The following SRGAP3 variants were observed in gnomAD, a reference collection of about 807,000 sequenced individuals.
SRGAP3 encodes the protein SLIT-ROBO Rho GTPase-activating protein 3.
A neutral mutation model predicts 121.1 loss-of-function variants in SRGAP3; 39 were observed. The observed-to-expected ratio is 0.32, with a 90% CI of 0.25 to 0.42. The LOEUF (loss-of-function observed/expected upper bound fraction) is 0.42, where lower values mean the gene tolerates loss of function less well. Ranked by LOEUF, SRGAP3 falls within the 10% of genes least tolerant of loss-of-function variation. The pLI is 1.00. For synonymous variants in SRGAP3, 601 were observed against 570.0 expected (o/e 1.05, Z -0.77); for missense variants, 1,213 against 1,470.6 (o/e 0.82, Z 2.86).
intron 1 of SRGAP3, among the ~76,000 whole-genome samples, chr3:9,141,193 T>A (rs928552583): frequency 1.4e-4 from 21 of 152,188 alleles, no homozygotes; most frequent in Non-Finnish European, 2.5e-4. Context: ...TGTCTCCACT[T>A]TGACCCCATT....
chr3:8,994,573 G>A, intron 18 of SRGAP3, 50 bp from the exon 19 acceptor site: 3 of 1,601,978 alleles, frequency 1.9e-6, no homozygotes, highest in Non-Finnish European at 2.5e-6. Context: ...CAAAGTGGCA[G>A]CTCAGGAGCC....
intron 3 of SRGAP3, among the ~76,000 whole-genome samples, chr3:9,320,889 AAT>A (rs1208097985): frequency 3.3e-5 from 5 of 151,830 alleles, no homozygotes; most frequent in Middle Eastern, 3.2e-3. Flanking sequence ...GAATAATGAA[AAT>A]ATGTTCACAT....
intron 2 of SRGAP3, among the ~76,000 whole-genome samples, chr3:9,111,662 G>A (rs776032354): frequency 2.0e-5 from 3 of 152,192 alleles, no homozygotes; most frequent in Non-Finnish European, 4.4e-5. Flanking sequence ...TTGAGCCTCT[G>A]CCTTCCCTGT....
intron 1 of SRGAP3, among the ~76,000 whole-genome samples, chr3:9,214,131 C>G (rs559923327): frequency 6.6e-6 from 1 of 151,980 alleles, no homozygotes; most frequent in African/African-American, 2.4e-5. Flanking sequence ...CACACACACA[C>G]ACACACACAC....
chr3:9,096,996 T>C (rs1178034726), intron 3 of SRGAP3, among the ~76,000 whole-genome samples: 8 of 136,030 alleles, frequency 5.9e-5, no homozygotes, highest in South Asian at 2.5e-4. Flanking sequence ...TACACACACA[T>C]ATATATATAT....
chr3:9,222,781 G>C (rs1952857174), intron 1 of SRGAP3, among the ~76,000 whole-genome samples: 1 of 152,168 alleles, frequency 6.6e-6, no homozygotes, highest in East Asian at 1.9e-4. Context: ...ATATCACTGT[G>C]ATTCTACATA....
At chr3:9,113,239 C>T (rs549192988) in intron 2 of SRGAP3, among the ~76,000 whole-genome samples, 2 of 152,244 alleles carry the variant, frequency 1.3e-5, no homozygotes, top group Admixed American at 1.3e-4. Flanking sequence ...GGCTGGAAGT[C>T]CGAGATCAAG....
chr3:9,242,407 G>T (rs1475174087), intron 1 of SRGAP3, among the ~76,000 whole-genome samples: 1 of 152,228 alleles, frequency 6.6e-6, no homozygotes, highest in Non-Finnish European at 1.5e-5. Context: ...GGCCGAGGCG[G>T]GTGGATCACC....
intron 1 of SRGAP3, among the ~76,000 whole-genome samples, chr3:9,176,464 C>T (rs956107665): frequency 6.6e-6 from 1 of 152,174 alleles, no homozygotes; most frequent in African/African-American, 2.4e-5. Flanking sequence ...AGACAGTGTT[C>T]CTCAGATTTA....
At chr3:9,357,781 A>C (rs533318691) in intron 1 of SRGAP3, among the ~76,000 whole-genome samples, 1 of 152,254 alleles carries the variant, frequency 6.6e-6, no homozygotes, top group African/African-American at 2.4e-5. Flanking sequence ...TCCCAATATA[A>C]GTCTAGGAGG....
intron 3 of SRGAP3, among the ~76,000 whole-genome samples, chr3:9,294,897 A>G (rs1342217268): frequency 6.6e-6 from 1 of 152,160 alleles, no homozygotes; most frequent in Non-Finnish European, 1.5e-5. Context: ...ATTATCTATC[A>G]TCAATCTGTT....
intron 10 of SRGAP3, among the ~76,000 whole-genome samples, chr3:9,044,163 C>T (rs764307647): frequency 6.6e-6 from 1 of 152,178 alleles, no homozygotes; most frequent in African/African-American, 2.4e-5. Context: ...CCCAAAAGAC[C>T]TTGGGTTTCA....
rs375383324 is a variant in SRGAP3, at chr3:9,286,776, G to A, written n.442+39234C>T. ...CGCCACCACACCCGGCTAATTTTTCGTATTTTTAGTAGAGACGGGGTCTCA... is the reference window on the plus strand; with the variant it reads ...CGCCACCACACCCGGCTAATTTTTCATATTTTTAGTAGAGACGGGGTCTCA... On this transcript the variant is annotated intron_variant and non_coding_transcript_variant, in intron 3 of 3. Transcript: ENST00000490889. 1.3e-3 allele frequency among the ~76,000 whole-genome samples: 192 copies of A among 150,384 alleles called. 1 individual carries two copies. Among genetic ancestry groups the A allele is most frequent in the Non-Finnish European group, 2.0e-3 (135 of 67,450 alleles).
rs542759104 is a variant in SRGAP3, at chr3:9,249,643, G to A, written c.-692C>T. On this transcript the variant is annotated 5_prime_UTR_variant, in exon 1 of 22. Transcript: ENST00000383836. ...TTAAGCTCCGGTGAACACAAGGCTG[G>A]ACTGCTCGCCCTGCAGGGCTGGCTG... 8.5e-6 allele frequency: 2 copies of A among 235,214 alleles called. No individual in the cohort carries two copies. The highest frequency in any genetic ancestry group is 1.7e-5 in the Non-Finnish European group (2 of 119,142). 14.6% of individuals were successfully genotyped at this position (235,214 alleles called of 1,614,324 possible). A position where few individuals can be genotyped will look rare whatever the true frequency, so the allele number is the denominator to read the frequency against.
intron 1 of SRGAP3, among the ~76,000 whole-genome samples, chr3:9,185,909 A>G (rs1346572912): frequency 6.6e-6 from 1 of 152,126 alleles, no homozygotes; most frequent in African/African-American, 2.4e-5. Flanking sequence ...GGATGCCAAG[A>G]TTGATTGTTC....
At chr3:9,356,171 C>G (rs915596119) in intron 1 of SRGAP3, among the ~76,000 whole-genome samples, 1 of 149,940 alleles carries the variant, frequency 6.7e-6, no homozygotes, top group African/African-American at 2.5e-5. Flanking sequence ...ACCGTGAGAC[C>G]TGTTTATGGG....
intron 1 of SRGAP3, among the ~76,000 whole-genome samples, chr3:9,158,828 G>C (rs1273023852): frequency 6.6e-6 from 1 of 152,126 alleles, no homozygotes; most frequent in Non-Finnish European, 1.5e-5. Flanking sequence ...ACTCTAACCT[G>C]CACCATGACC....
chr3:9,117,828 T>G (rs1179085961), intron 2 of SRGAP3, among the ~76,000 whole-genome samples: 1 of 152,152 alleles, frequency 6.6e-6, no homozygotes, highest in African/African-American at 2.4e-5. Context: ...CTAGTAAATA[T>G]CATGGGGAGA....
intron 1 of SRGAP3, among the ~76,000 whole-genome samples, chr3:9,200,842 C>T (rs1381670027): frequency 1.3e-5 from 2 of 152,206 alleles, no homozygotes; most frequent in African/African-American, 4.8e-5. Context: ...CTACAGCTTA[C>T]TAAGGTCCTT....
Sources: allele counts gnomAD v4.1 joint callset (sites outside exome capture counted in the v4.1 genomes callset), GRCh38; gene constraint gnomAD v4.1.1; transcripts MANE v1.5; gene names NCBI Gene and HGNC (gene_info 2026-07-23, HGNC 2026-07-21).